The following GEMIN2 variants were observed in gnomAD, a reference collection of about 807,000 sequenced individuals.
GEMIN2 encodes the protein gem nuclear organelle associated protein 2, also known as gem-associated protein 2.
In GEMIN2, 37 loss-of-function variants were observed where a neutral mutation model predicts 45.8. The ratio of observed to expected loss-of-function variants is 0.81; its 90% confidence interval spans 0.62 to 1.06. The LOEUF (loss-of-function observed/expected upper bound fraction) is 1.06, where lower values mean the gene tolerates loss of function less well. Ranked by LOEUF, GEMIN2 falls within the 50% of genes least tolerant of loss-of-function variation. The probability of loss-of-function intolerance (pLI) is 0.00; values close to 1 mark genes in which losing one functional copy is unlikely to be tolerated. For missense variants in GEMIN2, 335 were observed against 321.8 expected, an observed-to-expected ratio of 1.04 and a Z score of -0.31; for synonymous variants, 101 against 111.5, an observed-to-expected ratio of 0.91 and a Z score of 0.60.
At chr14:39,117,910 T>C in intron 2 of GEMIN2, 89 bp from the exon 3 acceptor site, 1 of 592,724 alleles carries the variant, frequency 1.7e-6, no homozygotes, top group Non-Finnish European at 3.0e-6. Flanking sequence ...TTATACACTT[T>C]ATCTTGGTTT....
At chr14:39,129,121 T>A (rs1390567357) in intron 7 of GEMIN2, among the ~76,000 whole-genome samples, 3 of 152,172 alleles carry the variant, frequency 2.0e-5, no homozygotes, top group Non-Finnish European at 4.4e-5. Flanking sequence ...AGACCCTATC[T>A]TAAGAAATAA....
intron 1 of GEMIN2, 111 bp from the exon 2 acceptor site, chr14:39,114,718 T>C: frequency 1.4e-6 from 1 of 714,962 alleles, no homozygotes; most frequent in East Asian, 2.6e-5. Context: ...ATTGGAAGTC[T>C]GAATTTTTTT....
intron 6 of GEMIN2, among the ~76,000 whole-genome samples, chr14:39,127,410 C>T (rs141231503): frequency 0.017 from 2,290 of 138,768 alleles, 68 homozygotes; most frequent in African/African-American, 0.058. Context: ...TGGCAAAATC[C>T]TGGCTCACTG....
At chr14:39,132,205 T>A in intron 8 of GEMIN2, 137 bp downstream of exon 8, 1 of 620,600 alleles carries the variant, frequency 1.6e-6, no homozygotes. Flanking sequence ...AAAATAATAG[T>A]AGCTTAAATA....
intron 9 of GEMIN2, among the ~76,000 whole-genome samples, chr14:39,135,449 G>A (rs1255871058): frequency 1.3e-5 from 2 of 152,110 alleles, no homozygotes; most frequent in South Asian, 2.1e-4. Flanking sequence ...AGCCGGGCAC[G>A]GTGGTTCACG....
At position 39,125,082 on chromosome 14, in the gene GEMIN2, G is replaced by A. The variant is rs773841431; in HGVS notation, c.531+46G>A. 1.1e-5 allele frequency: 10 copies of A among 914,482 alleles called. No individual in the cohort carries two copies. In the Admixed American group the frequency reaches 1.5e-4, roughly 13 times the overall value. 56.6% of individuals were successfully genotyped at this position (914,482 alleles called of 1,614,324 possible). The stretch of plus-strand genomic sequence containing the variant: ...ATATGCATTCTTTTGTTTGCATTGT[G>A]TGTGAAAGTATTTGAATTGTTAATA... On this transcript the variant is annotated intron_variant, in intron 6 of 9. Transcript: ENST00000308317.
intron 2 of GEMIN2, among the ~76,000 whole-genome samples, chr14:39,115,299 G>T (rs1300404336): frequency 6.6e-6 from 1 of 152,166 alleles, no homozygotes; most frequent in Non-Finnish European, 1.5e-5. Flanking sequence ...CACCCAAAGC[G>T]TTGGGATCAC....
Position 39,117,419 on chromosome 14 carries a change from G to A in GEMIN2, c.223-580G>A, listed in dbSNP as rs552084177. Among the ~76,000 whole-genome samples the A allele has an allele frequency of 3.9e-5, 6 of 152,114 alleles. No individual in the cohort carries two copies. In the South Asian group the frequency reaches 8.3e-4, roughly 21 times the overall value. On this transcript the variant is annotated intron_variant, in intron 2 of 9. Coordinates refer to ENST00000308317, the MANE Select transcript of GEMIN2 (RefSeq NM_003616.3). ...TTATCACGCAGGCACAATAATAATT[G>A]TACATATTTATGGAGTATATGTGAT...
At chr14:39,117,127 C>A (rs1284124961) in intron 2 of GEMIN2, among the ~76,000 whole-genome samples, 1 of 152,028 alleles carries the variant, frequency 6.6e-6, no homozygotes, top group African/African-American at 2.4e-5. Context: ...ACAAAATTAG[C>A]CGGGTGTGGT....
chr14:39,129,477 G>A (rs1030114148), intron 7 of GEMIN2, among the ~76,000 whole-genome samples: 5 of 151,988 alleles, frequency 3.3e-5, no homozygotes, highest in South Asian at 2.1e-4. Context: ...GCAGTAGCGC[G>A]ATCTCGGCTC....
chr14:39,125,034 C>G lies in GEMIN2; in HGVS notation c.529C>G (p.Gln177Glu). Residue 177 changes from glutamine to glutamate, a missense_variant and splice_region_variant, in exon 6 of 10, where the codon CAG becomes GAG. By Grantham distance (29) the Gln-to-Glu change is conservative. Coordinates refer to ENST00000308317, the MANE Select transcript of GEMIN2 (RefSeq NM_003616.3). ...PLLSIVSRMN[Q>E]ATVTSVLEYL... Reference sequence around the variant, plus strand: ...GCTTAGTATTGTTAGCAGAATGAATCAGGTAAAATTAATAATAGAGATATA... The same window carrying G: ...GCTTAGTATTGTTAGCAGAATGAATGAGGTAAAATTAATAATAGAGATATA... 1 of 1,413,832 alleles carries G rather than the reference C, an allele frequency of 7.1e-7. No homozygotes were observed. Among genetic ancestry groups the G allele is most frequent in the Non-Finnish European group, 1.0e-6 (1 of 1,001,492 alleles). 87.6% of individuals were successfully genotyped at this position (1,413,832 alleles called of 1,614,324 possible). A position where few individuals can be genotyped will look rare whatever the true frequency, so the allele number is the denominator to read the frequency against.
intron 7 of GEMIN2, among the ~76,000 whole-genome samples, chr14:39,129,125 G>T (rs7145969): frequency 6.6e-5 from 10 of 152,106 alleles, no homozygotes; most frequent in Admixed American, 2.0e-4. Flanking sequence ...CCTATCTTAA[G>T]AAATAAATAT....
chr14:39,128,472 C>CTT, intron 7 of GEMIN2, 124 bp downstream of exon 7: 1 of 236,154 alleles, frequency 4.2e-6, no homozygotes. Flanking sequence ...TGCACATTTT[C>CTT]TTTTTTTCTT....
At chr14:39,125,087 A>G (rs1295709048) in intron 6 of GEMIN2, 51 bp downstream of exon 6, 1 of 884,396 alleles carries the variant, frequency 1.1e-6, no homozygotes, top group Non-Finnish European at 1.9e-6. Flanking sequence ...ATTGTGTGTG[A>G]AAGTATTTGA....
At chr14:39,119,283 T>C (rs2052549296) in intron 4 of GEMIN2, among the ~76,000 whole-genome samples, 1 of 152,220 alleles carries the variant, frequency 6.6e-6, no homozygotes, top group Non-Finnish European at 1.5e-5. Context: ...TTTACAGAAC[T>C]TGTGAATGGA....
intron 7 of GEMIN2, 133 bp downstream of exon 7, chr14:39,128,481 T>TTTTA: frequency 5.5e-6 from 2 of 362,120 alleles, no homozygotes; most frequent in Non-Finnish European, 9.2e-6. Flanking sequence ...TCTTTTTTTC[T>TTTTA]TTTCTTTTTT....
chr14:39,120,228 A>G (rs2052558027), intron 4 of GEMIN2, among the ~76,000 whole-genome samples: 1 of 152,234 alleles, frequency 6.6e-6, no homozygotes, highest in South Asian at 2.1e-4. Flanking sequence ...TATAAGTAAT[A>G]AAATGAAAAT....
intron 9 of GEMIN2, among the ~76,000 whole-genome samples, chr14:39,136,050 G>A (rs942640068): frequency 1.3e-5 from 2 of 152,114 alleles, no homozygotes; most frequent in African/African-American, 4.8e-5. Flanking sequence ...CCATGATCAT[G>A]CCACTGCACT....
rs1410113106 is a variant in GEMIN2, at chr14:39,136,405, CTT to C, written c.771-33_771-32del. 4 of 1,070,102 alleles carry C rather than the reference CTT, an allele frequency of 3.7e-6. No homozygotes were observed. The African/African-American group carries it at 6.2e-5, about 17-fold the overall frequency. The allele number at this position is 1,070,102 out of a possible 1,614,324, so 66.3% of individuals were successfully genotyped here. On this transcript the variant is annotated intron_variant, in intron 9 of 9. Transcript: ENST00000308317. ...TTAAAAATAGTGCTACAGTTAATATCTTTATACATAAATTTTTTGTTTTTTTT... is the reference window on the plus strand; with the variant it reads ...TTAAAAATAGTGCTACAGTTAATATCTATACATAAATTTTTTGTTTTTTTT...
Sources: gnomAD v4.1 joint callset for allele counts (sites outside exome capture counted in the v4.1 genomes callset) on GRCh38, gnomAD v4.1.1 for gene constraint, MANE v1.5 for transcripts, NCBI Gene and HGNC (gene_info 2026-07-23, HGNC 2026-07-21) for gene names.